Variants in NTM observed in about 807,000 individuals in gnomAD.
NTM encodes the protein neurotrimin, also known as IgLON family member 2.
NTM carries 13 observed loss-of-function variants against 42.1 expected under a neutral mutation model. That is an observed-to-expected ratio of 0.31 (90% CI 0.20 to 0.49). The LOEUF is 0.49. Ranked by LOEUF, NTM falls within the 20% of genes least tolerant of loss-of-function variation. NTM has a pLI of 0.99. For missense variants in NTM, 373 were observed against 452.8 expected (o/e 0.82, Z 1.60); for synonymous variants, 187 against 179.2 (o/e 1.04, Z -0.35).
chr11:131,872,776 G>A (rs1017961168), intron 1 of NTM, among the ~76,000 whole-genome samples: 1 of 152,082 alleles, frequency 6.6e-6, no homozygotes, highest in African/African-American at 2.4e-5. Flanking sequence ...CATACTGTGG[G>A]GTAATTAGAC....
At chr11:131,981,390 C>A (rs2065209634) in intron 2 of NTM, 1 of 152,214 alleles carries the variant, frequency 6.6e-6, no homozygotes, top group Non-Finnish European at 1.5e-5. Context: ...AGCTGGATGT[C>A]CCAGCATTTC....
At chr11:131,669,323 C>A (rs1334397308) in intron 1 of NTM, among the ~76,000 whole-genome samples, 1 of 152,212 alleles carries the variant, frequency 6.6e-6, no homozygotes, top group South Asian at 2.1e-4. Context: ...GAAACCCTGG[C>A]TCGCCATGAT....
intron 1 of NTM, chr11:131,582,157 C>G (rs1450441748): frequency 6.6e-6 from 1 of 152,214 alleles, no homozygotes; most frequent in Non-Finnish European, 1.5e-5. Flanking sequence ...CTCCCAGCCT[C>G]TAAAATGCAG....
At chr11:131,922,409 G>A (rs1169814009) in intron 2 of NTM, 4 of 152,092 alleles carry the variant, frequency 2.6e-5, no homozygotes, top group South Asian at 4.2e-4. Flanking sequence ...ATTCAAACTG[G>A]GTCCTCCCAG....
intron 1 of NTM, among the ~76,000 whole-genome samples, chr11:131,499,707 C>T (rs947953740): frequency 6.6e-6 from 1 of 152,170 alleles, no homozygotes; most frequent in Non-Finnish European, 1.5e-5. Context: ...CTCCACCACA[C>T]AGACCTTCTC....
chr11:131,966,962 G>T (rs2062916657), intron 2 of NTM, among the ~76,000 whole-genome samples: 1 of 152,156 alleles, frequency 6.6e-6, no homozygotes, highest in Admixed American at 6.5e-5. Context: ...CTTGCTGATG[G>T]GTTACATGTG....
At chr11:131,528,290 T>C (rs2050778331) in intron 1 of NTM, among the ~76,000 whole-genome samples, 1 of 152,212 alleles carries the variant, frequency 6.6e-6, no homozygotes, top group African/African-American at 2.4e-5. Context: ...GCACTGTGTT[T>C]GATCCATTGA....
intron 1 of NTM, among the ~76,000 whole-genome samples, chr11:131,842,720 C>T (rs1565619421): frequency 6.7e-6 from 1 of 148,700 alleles, no homozygotes; most frequent in Non-Finnish European, 1.5e-5. Flanking sequence ...ATCTAAATTT[C>T]TAATATGAGG....
chr11:131,432,836 A>ATTTTTTT (rs1565494754), intron 1 of NTM, among the ~76,000 whole-genome samples: 3 of 87,386 alleles, frequency 3.4e-5, no homozygotes, highest in Admixed American at 1.4e-4. Context: ...AAGATTTAGC[A>ATTTTTTT]TTCTTTTTTT....
Position 131,911,562 on chromosome 11 carries a change from A to G in NTM, c.83-2A>G. 6.2e-7 allele frequency: 1 copy of G among 1,614,212 alleles called. No individual in the cohort carries two copies. The highest frequency in any genetic ancestry group is 8.5e-7 in the Non-Finnish European group (1 of 1,180,032). On this transcript the variant is annotated splice_acceptor_variant, in intron 1 of 8. Transcript: ENST00000683400. LOFTEE classifies it high-confidence loss of function. ...TCAGGCTGCTGTTCCTTGTACCCAC[A>G]GGAGTGCCCGTGCGCAGCGGAGATG...
intron 2 of NTM, among the ~76,000 whole-genome samples, chr11:132,111,235 T>G (rs927604022): frequency 6.6e-6 from 1 of 151,302 alleles, no homozygotes; most frequent in African/African-American, 2.4e-5. Context: ...TGCCTATGTG[T>G]GTGTACGTTT....
chr11:132,234,146 C>G (rs1758558125), intron 4 of NTM, among the ~76,000 whole-genome samples: 1 of 152,234 alleles, frequency 6.6e-6, no homozygotes, highest in Admixed American at 6.5e-5. Flanking sequence ...AAATCTGATT[C>G]TTGCCCTGGA....
chr11:132,107,418 A>C (rs572531995), intron 2 of NTM, among the ~76,000 whole-genome samples: 1 of 134,912 alleles, frequency 7.4e-6, no homozygotes, highest in South Asian at 2.3e-4. Flanking sequence ...TGGTATGGTC[A>C]GAACCCACTG....
chr11:131,912,412 G>T (rs1442009812), intron 2 of NTM, among the ~76,000 whole-genome samples: 4 of 150,698 alleles, frequency 2.7e-5, no homozygotes, highest in African/African-American at 9.7e-5. Flanking sequence ...TACAGGCACT[G>T]GGGGAGGAGA....
intron 3 of NTM, among the ~76,000 whole-genome samples, chr11:132,188,916 C>T (rs1018457500): frequency 1.3e-5 from 2 of 152,164 alleles, no homozygotes; most frequent in South Asian, 4.1e-4. Context: ...ACCATTTTGA[C>T]TCTAGAAATG....
At chr11:131,540,378 G>A (rs1224825787) in intron 1 of NTM, 1 of 151,876 alleles carries the variant, frequency 6.6e-6, no homozygotes, top group Non-Finnish European at 1.5e-5. Context: ...TATCAGCCAG[G>A]CTGGTCTCAA....
intron 2 of NTM, among the ~76,000 whole-genome samples, chr11:131,948,113 G>A (rs1430301613): frequency 6.6e-6 from 1 of 152,080 alleles, no homozygotes; most frequent in Non-Finnish European, 1.5e-5. Context: ...TGTAATCCCA[G>A]CACTTTGGGA....
intron 1 of NTM, among the ~76,000 whole-genome samples, chr11:131,831,163 T>C (rs2042769874): frequency 6.6e-6 from 1 of 152,180 alleles, no homozygotes; most frequent in Admixed American, 6.5e-5. Context: ...TTTATTTCTT[T>C]TTCTTGCCTG....
chr11:132,245,270 G>A (rs1236951074), intron 4 of NTM, among the ~76,000 whole-genome samples: 1 of 152,102 alleles, frequency 6.6e-6, no homozygotes, highest in Non-Finnish European at 1.5e-5. Flanking sequence ...TGTCCAGGCG[G>A]GGGAGAGGTC....
Sources: gnomAD v4.1 joint callset for allele counts (sites outside exome capture counted in the v4.1 genomes callset) on GRCh38, gnomAD v4.1.1 for gene constraint, MANE v1.5 for transcripts, NCBI Gene and HGNC (gene_info 2026-07-23, HGNC 2026-07-21) for gene names.